Variants in XKR4 observed in about 807,000 individuals in gnomAD.
XKR4 encodes the protein XK related 4.
XKR4 carries 12 observed loss-of-function variants against 53.9 expected under a neutral mutation model. The observed-to-expected ratio is 0.22, with a 90% CI of 0.14 to 0.36. The LOEUF (loss-of-function observed/expected upper bound fraction) is 0.36. Ranked by LOEUF, XKR4 falls within the 10% of genes least tolerant of loss-of-function variation. The pLI is 1.00. For synonymous variants in XKR4, 354 were observed against 362.4 expected (o/e 0.98, Z 0.26); for missense variants, 799 against 859.5 (o/e 0.93, Z 0.88).
At chr8:55,265,006 G>A (rs1314059553) in intron 1 of XKR4, among the ~76,000 whole-genome samples, 4 of 152,178 alleles carry the variant, frequency 2.6e-5, no homozygotes, top group Admixed American at 2.6e-4. Context: ...CAGGCCATAT[G>A]CATCATCTTA....
intron 2 of XKR4, chr8:55,452,573 C>G: frequency 1.2e-6 from 1 of 824,502 alleles, no homozygotes; most frequent in Non-Finnish European, 2.1e-6. Flanking sequence ...GCCTCCGGTT[C>G]TCCCGCTGCA....
At chr8:55,495,882 A>G (rs899340924) in intron 2 of XKR4, among the ~76,000 whole-genome samples, 2 of 152,240 alleles carry the variant, frequency 1.3e-5, no homozygotes, top group African/African-American at 4.8e-5. Context: ...AGCTGCCATC[A>G]CATTCACAGT....
intron 1 of XKR4, among the ~76,000 whole-genome samples, chr8:55,229,793 A>G (rs572098427): frequency 5.3e-5 from 8 of 151,976 alleles, no homozygotes; most frequent in African/African-American, 1.7e-4. Context: ...CTGCATTGCC[A>G]ACTCCAGCTG....
intron 2 of XKR4, among the ~76,000 whole-genome samples, chr8:55,406,807 C>T (rs2129390616): frequency 6.6e-6 from 1 of 152,260 alleles, no homozygotes; most frequent in East Asian, 1.9e-4. Flanking sequence ...TCAGTGTCTA[C>T]TATAGGAAAG....
chr8:55,381,318 A>G (rs1804229453), intron 2 of XKR4, among the ~76,000 whole-genome samples: 1 of 152,192 alleles, frequency 6.6e-6, no homozygotes. Context: ...ATAATTTGGA[A>G]TCAACAAGGT....
chr8:55,212,749 C>T (rs1451551606), intron 1 of XKR4, among the ~76,000 whole-genome samples: 1 of 152,160 alleles, frequency 6.6e-6, no homozygotes, highest in Non-Finnish European at 1.5e-5. Context: ...AAGCAAATCT[C>T]GTTACAGCAA....
intron 1 of XKR4, among the ~76,000 whole-genome samples, chr8:55,189,486 G>A (rs931165654): frequency 6.6e-6 from 1 of 152,210 alleles, no homozygotes; most frequent in African/African-American, 2.4e-5. Context: ...CCTAGGCTAT[G>A]TGATAGAACC....
chr8:55,234,223 C>A (rs766130157), intron 1 of XKR4, among the ~76,000 whole-genome samples: 5 of 152,274 alleles, frequency 3.3e-5, no homozygotes, highest in South Asian at 2.1e-4. Context: ...CAGCCTTATA[C>A]CCACCCTATA....
At chr8:55,459,695 C>T (rs945030564) in intron 2 of XKR4, among the ~76,000 whole-genome samples, 1 of 152,024 alleles carries the variant, frequency 6.6e-6, no homozygotes, top group Non-Finnish European at 1.5e-5. Context: ...TACTAAACAT[C>T]TTTTAGTAAC....
intron 1 of XKR4, among the ~76,000 whole-genome samples, chr8:55,265,648 G>A (rs1181509903): frequency 6.6e-6 from 1 of 152,038 alleles, no homozygotes; most frequent in Non-Finnish European, 1.5e-5. Flanking sequence ...GAGCCTAGGA[G>A]CCTAGGAGCC....
At chr8:55,223,960 T>C (rs1322266116) in intron 1 of XKR4, among the ~76,000 whole-genome samples, 1 of 152,018 alleles carries the variant, frequency 6.6e-6, no homozygotes, top group African/African-American at 2.4e-5. Context: ...AGAAAAGGAA[T>C]CAGAGGAGAG....
intron 1 of XKR4, among the ~76,000 whole-genome samples, chr8:55,292,918 T>G (rs963763730): frequency 2.6e-5 from 4 of 152,238 alleles, no homozygotes; most frequent in Non-Finnish European, 5.9e-5. Context: ...GTGTGTTGTT[T>G]GGTGTCCATG....
chr8:55,154,495 A>G (rs1816880140), intron 1 of XKR4, among the ~76,000 whole-genome samples: 1 of 152,230 alleles, frequency 6.6e-6, no homozygotes, highest in Non-Finnish European at 1.5e-5. Flanking sequence ...AAATATTCCC[A>G]AGAAAAATGT....
At chr8:55,354,021 T>G (rs1195958229) in intron 1 of XKR4, among the ~76,000 whole-genome samples, 1 of 152,118 alleles carries the variant, frequency 6.6e-6, no homozygotes, top group Non-Finnish European at 1.5e-5. Flanking sequence ...AATTATCGAA[T>G]TAAAATAGGC....
At chr8:55,450,671 T>C in intron 2 of XKR4, 1 of 594,734 alleles carries the variant, frequency 1.7e-6, no homozygotes, top group South Asian at 1.6e-5. Flanking sequence ...AAGCCGCTGC[T>C]CTGTCCAGCC....
intron 1 of XKR4, among the ~76,000 whole-genome samples, chr8:55,247,665 C>T (rs113062514): frequency 1.3e-3 from 204 of 152,018 alleles, no homozygotes; most frequent in African/African-American, 4.8e-3. Context: ...CCTTCATGAT[C>T]TCATTCCCTT....
intron 2 of XKR4, among the ~76,000 whole-genome samples, chr8:55,408,786 A>G (rs1804728692): frequency 6.6e-6 from 1 of 152,124 alleles, no homozygotes; most frequent in African/African-American, 2.4e-5. Flanking sequence ...AGGCGGGCAG[A>G]TCACGGGGTC....
intron 2 of XKR4, among the ~76,000 whole-genome samples, chr8:55,490,286 C>T (rs1025215892): frequency 6.6e-6 from 1 of 152,130 alleles, no homozygotes; most frequent in Non-Finnish European, 1.5e-5. Flanking sequence ...TTTGCAGCGA[C>T]ATGGATGCAG....
At chr8:55,498,534 C>T (rs753696420) in intron 2 of XKR4, among the ~76,000 whole-genome samples, 1 of 152,168 alleles carries the variant, frequency 6.6e-6, no homozygotes, top group Non-Finnish European at 1.5e-5. Flanking sequence ...AATCCCAGCA[C>T]TTTGGGAGGC....
Sources: allele counts gnomAD v4.1 joint callset (sites outside exome capture counted in the v4.1 genomes callset), GRCh38; gene constraint gnomAD v4.1.1; transcripts MANE v1.5; gene names NCBI Gene and HGNC (gene_info 2026-07-23, HGNC 2026-07-21).